Variants in KHDRBS3 observed in about 807,000 individuals in gnomAD.
KHDRBS3 encodes the protein KH RNA binding domain containing, signal transduction associated 3.
A neutral mutation model predicts 45.6 loss-of-function variants in KHDRBS3; 23 were observed. The ratio of observed to expected loss-of-function variants is 0.50; its 90% CI spans 0.36 to 0.72. KHDRBS3 has a LOEUF of 0.72. Ranked by LOEUF, KHDRBS3 falls within the 30% of genes least tolerant of loss-of-function variation. The pLI is 0.00. For synonymous variants in KHDRBS3, 162 were observed against 156.5 expected (o/e 1.04, Z -0.26); for missense variants, 352 against 424.8 (o/e 0.83, Z 1.51).
At chr8:135,639,334 AGGGATTGGCTAAAGGAGGTCAGGTCAGT>A (rs796287976) in intron 7 of KHDRBS3, among the ~76,000 whole-genome samples, 25 of 152,314 alleles carry the variant, frequency 1.6e-4, no homozygotes, top group African/African-American at 6.0e-4. Context: ...TGTGACGTGG[AGGGATTGGCTAAAGGAGGTCAGGTCAGT>A]GGACAAGAGG....
At chr8:135,461,111 AT>A (rs1367505789) in intron 1 of KHDRBS3, among the ~76,000 whole-genome samples, 1 of 151,822 alleles carries the variant, frequency 6.6e-6, no homozygotes, top group Non-Finnish European at 1.5e-5. Context: ...TTATTTATTT[AT>A]TTTTTTGAGA....
chr8:135,505,418 C>T (rs920005976), intron 1 of KHDRBS3, among the ~76,000 whole-genome samples: 10 of 152,068 alleles, frequency 6.6e-5, no homozygotes, highest in Non-Finnish European at 1.3e-4. Flanking sequence ...TCAGGGCTAG[C>T]GTAGTCTCTG....
chr8:135,590,414 C>T (rs1416104697), intron 6 of KHDRBS3, among the ~76,000 whole-genome samples: 2 of 152,066 alleles, frequency 1.3e-5, no homozygotes, highest in African/African-American at 2.4e-5. Context: ...TTTCTGGGCC[C>T]GAATTTTCTT....
chr8:135,644,398 C>T (rs1349990452), intron 7 of KHDRBS3, among the ~76,000 whole-genome samples: 1 of 152,202 alleles, frequency 6.6e-6, no homozygotes, highest in Non-Finnish European at 1.5e-5. Flanking sequence ...ATCCATTTCC[C>T]TGCTCTCCTG....
chr8:135,557,560 G>C lies in KHDRBS3; in HGVS notation c.584G>C (p.Arg195Thr). The C allele has an allele frequency of 6.2e-7, 1 of 1,613,182 alleles. No individual in the cohort carries two copies. The highest frequency in any genetic ancestry group is 8.5e-7 in the Non-Finnish European group (1 of 1,179,160). The change falls in exon 5 of 9, where the codon AGA becomes ACA. Residue 195 changes from arginine to threonine, a missense_variant. By Grantham distance (71) the Arg-to-Thr change is moderately conservative. Transcript: ENST00000355849. ...VVRGKPTLRT[R>T]GVPAPAITRG... ...CGAGGGAAACCCACCTTGCGTACAA[G>C]AGGTGTACCAGCCCCAGCAATAACC...
chr8:135,490,991 G>A (rs534320100), intron 1 of KHDRBS3, among the ~76,000 whole-genome samples: 8 of 152,276 alleles, frequency 5.3e-5, no homozygotes, highest in Non-Finnish European at 8.8e-5. Context: ...GTTTCTTTGC[G>A]TTTCTTTGGT....
chr8:135,532,187 T>C (rs942304566), intron 2 of KHDRBS3, among the ~76,000 whole-genome samples: 1 of 152,168 alleles, frequency 6.6e-6, no homozygotes, highest in African/African-American at 2.4e-5. Context: ...TACACTGATA[T>C]AATTCAAATG....
downstream of KHDRBS3, among the ~76,000 whole-genome samples, chr8:135,649,255 C>T (rs552388992): frequency 9.9e-5 from 15 of 151,898 alleles, no homozygotes; most frequent in South Asian, 2.7e-3. Context: ...CTTACTTTTT[C>T]AGTGTTTGTA....
chr8:135,645,715 G>A (rs1455266163), intron 8 of KHDRBS3, among the ~76,000 whole-genome samples: 1 of 152,196 alleles, frequency 6.6e-6, no homozygotes, highest in Non-Finnish European at 1.5e-5. Flanking sequence ...TATGCAGAAC[G>A]ATGACAGGTT....
chr8:135,531,897 G>T (rs751748868), intron 2 of KHDRBS3, among the ~76,000 whole-genome samples: 2 of 152,090 alleles, frequency 1.3e-5, no homozygotes, highest in Non-Finnish European at 2.9e-5. Flanking sequence ...ATCTCGAAGA[G>T]AATCCTGAAA....
chr8:135,490,574 CT>C (rs1312486017), intron 1 of KHDRBS3, among the ~76,000 whole-genome samples: 2 of 152,166 alleles, frequency 1.3e-5, no homozygotes, highest in African/African-American at 4.8e-5. Context: ...ATACCTGTAT[CT>C]TCAGAGTTAA....
At chr8:135,500,783 G>A (rs16905382) in intron 1 of KHDRBS3, among the ~76,000 whole-genome samples, 14,615 of 152,176 alleles carry the variant, frequency 0.096, 1,241 homozygotes, top group African/African-American at 0.24. Context: ...ATTTAGCCAC[G>A]AGTAAGACAG....
chr8:135,602,158 A>G (rs766899420), intron 6 of KHDRBS3, among the ~76,000 whole-genome samples: 7 of 152,186 alleles, frequency 4.6e-5, no homozygotes, highest in Non-Finnish European at 7.3e-5. Context: ...TGTGATAAAA[A>G]TAGTAGATGT....
intron 4 of KHDRBS3, among the ~76,000 whole-genome samples, chr8:135,550,457 C>T (rs73373327): frequency 0.53 from 81,288 of 151,962 alleles, 21,736 homozygotes; most frequent in South Asian, 0.65. Flanking sequence ...TATCAGTTGT[C>T]CTAGCACCAT....
chr8:135,581,787 A>G lies in KHDRBS3; in HGVS notation c.612-91A>G, dbSNP rs1038369931. Reference sequence around the variant, plus strand: ...CTTCCTTTTTACAAAAATATAGAACATTGATTTTGTTTCTGAGGTATAAAT... The same window carrying G: ...CTTCCTTTTTACAAAAATATAGAACGTTGATTTTGTTTCTGAGGTATAAAT... On this transcript the variant is annotated intron_variant, in intron 5 of 8. Coordinates refer to ENST00000355849, the MANE Select transcript of KHDRBS3 (RefSeq NM_006558.3). 6.9e-6 allele frequency: 7 copies of G among 1,017,778 alleles called. No individual in the cohort carries two copies. The African/African-American group carries it at 9.8e-5, about 14-fold the overall frequency. The allele number at this position is 1,017,778 out of a possible 1,614,324, so 63.0% of individuals were successfully genotyped here.
chr8:135,564,520 G>T (rs1405061247), intron 5 of KHDRBS3, among the ~76,000 whole-genome samples: 1 of 152,096 alleles, frequency 6.6e-6, no homozygotes, highest in Admixed American at 6.5e-5. Context: ...TATTGGTTTG[G>T]CCTGGGGCAA....
At chr8:135,638,147 A>G (rs865971151) in intron 7 of KHDRBS3, among the ~76,000 whole-genome samples, 7 of 152,224 alleles carry the variant, frequency 4.6e-5, no homozygotes, top group Middle Eastern at 3.2e-3. Context: ...AAGGATAGAA[A>G]GAAGCTCAGG....
chr8:135,504,279 C>G (rs544987416), intron 1 of KHDRBS3, among the ~76,000 whole-genome samples: 7 of 152,162 alleles, frequency 4.6e-5, no homozygotes, highest in Non-Finnish European at 1.0e-4. Flanking sequence ...GGTTAATATG[C>G]TGTTCTGGGA....
At chr8:135,621,139 G>A (rs1586817150) in intron 7 of KHDRBS3, among the ~76,000 whole-genome samples, 1 of 143,564 alleles carries the variant, frequency 7.0e-6, no homozygotes, top group Admixed American at 6.9e-5. Context: ...AAAAAAAGGG[G>A]GGGAGGATGG....
Sources: gnomAD v4.1 joint callset for allele counts (sites outside exome capture counted in the v4.1 genomes callset) on GRCh38, gnomAD v4.1.1 for gene constraint, MANE v1.5 for transcripts, NCBI Gene and HGNC (gene_info 2026-07-23, HGNC 2026-07-21) for gene names.